The following HS6ST3 variants were observed in gnomAD, a reference collection of about 807,000 sequenced individuals.
The protein encoded by HS6ST3 is heparan-sulfate 6-O-sulfotransferase 3.
Under a neutral mutation model 36.7 loss-of-function variants are expected in HS6ST3, and 12 were observed. The ratio of observed to expected loss-of-function variants is 0.33; its 90% CI spans 0.21 to 0.53. The LOEUF (loss-of-function observed/expected upper bound fraction) is 0.53, where lower values mean the gene tolerates loss of function less well. HS6ST3 is among the 20% of genes least tolerant of loss of function. The probability of loss-of-function intolerance (pLI) is 0.95; values close to 1 mark genes in which losing one functional copy is unlikely to be tolerated. For missense variants in HS6ST3, 584 were observed against 640.9 expected, an observed-to-expected ratio of 0.91 and a Z score of 0.96; for synonymous variants, 240 against 257.5, an observed-to-expected ratio of 0.93 and a Z score of 0.65.
intron 1 of HS6ST3, among the ~76,000 whole-genome samples, chr13:96,611,546 G>A (rs1032473224): frequency 1.3e-5 from 2 of 152,100 alleles, no homozygotes; most frequent in African/African-American, 4.8e-5. Context: ...GAGAAAATGA[G>A]CAACTATGTA....
intron 1 of HS6ST3, among the ~76,000 whole-genome samples, chr13:96,706,913 C>T (rs766668621): frequency 1.6e-4 from 24 of 152,034 alleles, no homozygotes; most frequent in Non-Finnish European, 3.1e-4. Flanking sequence ...CAGCAGTACT[C>T]AAACCTGACT....
At chr13:96,146,242 G>T (rs2054057626) in intron 1 of HS6ST3, among the ~76,000 whole-genome samples, 1 of 152,148 alleles carries the variant, frequency 6.6e-6, no homozygotes, top group South Asian at 2.1e-4. Context: ...AAATTACCTA[G>T]GGCAGTATGG....
At chr13:96,477,048 A>C (rs2055867449) in intron 1 of HS6ST3, among the ~76,000 whole-genome samples, 1 of 152,152 alleles carries the variant, frequency 6.6e-6, no homozygotes, top group Non-Finnish European at 1.5e-5. Flanking sequence ...CTTTTAGTAA[A>C]ACCTTAGCCA....
intron 1 of HS6ST3, among the ~76,000 whole-genome samples, chr13:96,142,270 A>G (rs2054035760): frequency 6.6e-6 from 1 of 152,236 alleles, no homozygotes; most frequent in Non-Finnish European, 1.5e-5. Flanking sequence ...TTAACAAAAC[A>G]AAGTATTCTC....
At chr13:96,281,020 T>C (rs1289582357) in intron 1 of HS6ST3, among the ~76,000 whole-genome samples, 1 of 152,152 alleles carries the variant, frequency 6.6e-6, no homozygotes, top group African/African-American at 2.4e-5. Context: ...CTTTTTTTTC[T>C]TTTTTGAGAT....
chr13:96,714,010 C>T (rs1463744131), intron 1 of HS6ST3, among the ~76,000 whole-genome samples: 2 of 151,950 alleles, frequency 1.3e-5, no homozygotes, highest in Non-Finnish European at 2.9e-5. Context: ...AAGACCCTTA[C>T]CTTATACTAT....
intron 1 of HS6ST3, among the ~76,000 whole-genome samples, chr13:96,403,110 T>A (rs1166258942): frequency 6.6e-6 from 1 of 152,224 alleles, no homozygotes; most frequent in Non-Finnish European, 1.5e-5. Context: ...GATCTCATCA[T>A]AGCTTTCATT....
At chr13:96,503,503 T>A (rs2056013847) in intron 1 of HS6ST3, among the ~76,000 whole-genome samples, 1 of 152,184 alleles carries the variant, frequency 6.6e-6, no homozygotes, top group African/African-American at 2.4e-5. Flanking sequence ...CATGTCATAT[T>A]CCTGGAACAG....
At chr13:96,560,209 T>G (rs1241200072) in intron 1 of HS6ST3, among the ~76,000 whole-genome samples, 1 of 152,234 alleles carries the variant, frequency 6.6e-6, no homozygotes, top group East Asian at 1.9e-4. Flanking sequence ...AGATGTACAT[T>G]GTGCTTATTA....
intron 1 of HS6ST3, among the ~76,000 whole-genome samples, chr13:96,773,600 G>A (rs1293797516): frequency 2.0e-5 from 3 of 152,186 alleles, no homozygotes; most frequent in Non-Finnish European, 4.4e-5. Flanking sequence ...GCGCCTCAAA[G>A]CTGCTGTAGC....
At chr13:96,438,412 A>G (rs1387659994) in intron 1 of HS6ST3, among the ~76,000 whole-genome samples, 1 of 152,202 alleles carries the variant, frequency 6.6e-6, no homozygotes, top group Admixed American at 6.5e-5. Flanking sequence ...GAAGGGTGCA[A>G]TGACTTATTC....
intron 1 of HS6ST3, among the ~76,000 whole-genome samples, chr13:96,478,599 C>T (rs1566372475): frequency 6.6e-6 from 1 of 151,940 alleles, no homozygotes; most frequent in African/African-American, 2.4e-5. Flanking sequence ...GCCATCAAGC[C>T]AGTTTTTATA....
chr13:96,315,958 A>G (rs2054966819), intron 1 of HS6ST3, among the ~76,000 whole-genome samples: 2 of 152,194 alleles, frequency 1.3e-5, no homozygotes, highest in African/African-American at 4.8e-5. Context: ...GATATACCTC[A>G]GCACTTGGCT....
At chr13:96,269,586 T>G (rs908175363) in intron 1 of HS6ST3, among the ~76,000 whole-genome samples, 1 of 152,050 alleles carries the variant, frequency 6.6e-6, no homozygotes, top group African/African-American at 2.4e-5. Flanking sequence ...TGAAAAATTG[T>G]GTCCATTTCC....
intron 1 of HS6ST3, among the ~76,000 whole-genome samples, chr13:96,329,924 T>C (rs1452427225): frequency 6.7e-6 from 1 of 149,454 alleles, no homozygotes; most frequent in Non-Finnish European, 1.5e-5. Flanking sequence ...TTGATCCTTT[T>C]ACCATTATGT....
chr13:96,357,227 A>C (rs1476139641), intron 1 of HS6ST3, among the ~76,000 whole-genome samples: 1 of 152,220 alleles, frequency 6.6e-6, no homozygotes, highest in African/African-American at 2.4e-5. Flanking sequence ...CTTTTTGTCA[A>C]TTGTGTGTCC....
intron 1 of HS6ST3, among the ~76,000 whole-genome samples, chr13:96,648,742 C>T (rs547467756): frequency 1.4e-4 from 22 of 151,924 alleles, no homozygotes; most frequent in African/African-American, 4.6e-4. Flanking sequence ...ATGAGTGAGA[C>T]CATGCGGTGT....
chr13:96,181,545 A>C (rs1199971068), intron 1 of HS6ST3, among the ~76,000 whole-genome samples: 1 of 152,142 alleles, frequency 6.6e-6, no homozygotes, highest in Non-Finnish European at 1.5e-5. Context: ...CAGGCCTCTC[A>C]GGGCCCTGGC....
chr13:96,143,633 A>G (rs1029199660), intron 1 of HS6ST3, among the ~76,000 whole-genome samples: 7 of 152,052 alleles, frequency 4.6e-5, no homozygotes, highest in African/African-American at 1.7e-4. Context: ...ATTACCATTT[A>G]CCAAAAAAAT....
Sources: allele counts gnomAD v4.1 joint callset (sites outside exome capture counted in the v4.1 genomes callset), GRCh38; gene constraint gnomAD v4.1.1; transcripts MANE v1.5; gene names NCBI Gene and HGNC (gene_info 2026-07-23, HGNC 2026-07-21).